SUMF1: variants seen among roughly 807,000 people sequenced by gnomAD.
SUMF1 encodes the protein sulfatase modifying factor 1, also known as formylglycine-generating enzyme.
SUMF1 carries 48 observed loss-of-function variants against 47.6 expected under a neutral mutation model. The ratio of observed to expected loss-of-function variants is 1.01; its 90% confidence interval spans 0.80 to 1.28. The LOEUF (loss-of-function observed/expected upper bound fraction) is 1.28. Ranked by LOEUF, SUMF1 falls within the 50% of genes most tolerant of loss-of-function variation. The pLI, the probability that SUMF1 is intolerant of heterozygous loss-of-function variation, is 0.00. For missense variants in SUMF1, 571 were observed against 485.4 expected, an observed-to-expected ratio of 1.18 and a Z score of -1.66; for synonymous variants, 230 against 192.1, an observed-to-expected ratio of 1.20 and a Z score of -1.63.
intron 8 of SUMF1, among the ~76,000 whole-genome samples, chr3:4,165,075 T>C (rs1694667379): frequency 6.6e-6 from 1 of 152,162 alleles, no homozygotes; most frequent in Admixed American, 6.5e-5. Flanking sequence ...TGGGAACAGC[T>C]TGCTCACTGG....
At chr3:4,254,197 G>C (rs951757797) in intron 8 of SUMF1, among the ~76,000 whole-genome samples, 2 of 152,002 alleles carry the variant, frequency 1.3e-5, no homozygotes, top group Admixed American at 6.6e-5. Context: ...ACTCTAAAAA[G>C]CAGAGCGCCT....
chr3:4,203,850 A>G (rs1355361874), intron 8 of SUMF1, among the ~76,000 whole-genome samples: 1 of 151,994 alleles, frequency 6.6e-6, no homozygotes, highest in Non-Finnish European at 1.5e-5. Flanking sequence ...TACAAAAACA[A>G]GCAAACAGAA....
intron 8 of SUMF1, among the ~76,000 whole-genome samples, chr3:4,132,578 A>G (rs1296024180): frequency 6.6e-6 from 1 of 152,118 alleles, no homozygotes; most frequent in Non-Finnish European, 1.5e-5. Context: ...GTGATCCACT[A>G]GCAAAATTTT....
At chr3:4,037,642 A>G (rs2125014920) in intron 9 of SUMF1, among the ~76,000 whole-genome samples, 1 of 152,116 alleles carries the variant, frequency 6.6e-6, no homozygotes, top group East Asian at 1.9e-4. Context: ...TATATTCTCA[A>G]TTCTATTTCT....
rs145046762 is a variant in SUMF1, at chr3:4,225,386, T to C, written c.1014+150944A>G. ...TGTTTTGAGCAAGCAAGTTCCACTA[T>C]GACAAACTATTACTGTTTAAGCATT... On this transcript the variant is annotated intron_variant and NMD_transcript_variant, in intron 8 of 12. Coordinates refer to the SUMF1 transcript ENST00000448413. Among the ~76,000 whole-genome samples the C allele has an allele frequency of 8.3e-3, 1,263 of 152,256 alleles. 19 individuals carry two copies. Among genetic ancestry groups the C allele is most frequent in the African/African-American group, 0.029 (1,214 of 41,576 alleles).
chr3:4,125,812 G>A (rs201281309), intron 8 of SUMF1, among the ~76,000 whole-genome samples: 4 of 152,118 alleles, frequency 2.6e-5, no homozygotes, highest in Non-Finnish European at 2.9e-5. Flanking sequence ...GGGTAGCAGG[G>A]ACTACAGGTG....
intron 9 of SUMF1, among the ~76,000 whole-genome samples, chr3:4,042,313 TA>T (rs1407592536): frequency 2.6e-5 from 4 of 152,190 alleles, no homozygotes; most frequent in Admixed American, 1.3e-4. Flanking sequence ...ATGGAGTCAC[TA>T]AAGTTTTTTT....
intron 8 of SUMF1, among the ~76,000 whole-genome samples, chr3:4,094,360 T>C (rs150415565): frequency 3.9e-5 from 6 of 152,134 alleles, no homozygotes; most frequent in African/African-American, 1.4e-4. Context: ...CCTCATGAAC[T>C]TAGAGCTTAC....
At chr3:4,211,585 C>T (rs1338032652) in intron 8 of SUMF1, among the ~76,000 whole-genome samples, 5 of 151,992 alleles carry the variant, frequency 3.3e-5, no homozygotes, top group African/African-American at 1.2e-4. Flanking sequence ...ACACAGAAAA[C>T]TCCAATCATT....
At chr3:4,334,705 C>G (rs1021117579) in intron 8 of SUMF1, among the ~76,000 whole-genome samples, 1 of 152,240 alleles carries the variant, frequency 6.6e-6, no homozygotes, top group African/African-American at 2.4e-5. Context: ...GACCAGGAAT[C>G]AAACCCATGC....
chr3:4,139,906 C>G (rs1013110813), intron 8 of SUMF1, among the ~76,000 whole-genome samples: 1 of 151,992 alleles, frequency 6.6e-6, no homozygotes, highest in African/African-American at 2.4e-5. Context: ...AACACATGCT[C>G]TTGGCATACG....
chr3:4,054,305 G>A (rs913804285), intron 9 of SUMF1, among the ~76,000 whole-genome samples: 2 of 152,090 alleles, frequency 1.3e-5, no homozygotes, highest in Non-Finnish European at 2.9e-5. Flanking sequence ...CAATTTAAAG[G>A]ATTTATCACA....
chr3:4,131,953 A>G (rs1693801406), intron 8 of SUMF1, among the ~76,000 whole-genome samples: 1 of 152,098 alleles, frequency 6.6e-6, no homozygotes, highest in Non-Finnish European at 1.5e-5. Context: ...TCACTCACCA[A>G]GGCCGACCTG....
Position 4,266,011 on chromosome 3 carries a change from C to G in SUMF1, c.1014+110319G>C, listed in dbSNP as rs200397645. On this transcript the variant is annotated intron_variant and NMD_transcript_variant, in intron 8 of 12. Transcript: ENST00000448413. ...AATCCTTTCCCCATTGCTTGTTTTT[C>G]TCAGGTTTGTCAAAGATCAGATAGT... is the stretch of plus-strand genomic sequence containing the variant. 5.6e-3 allele frequency among the ~76,000 whole-genome samples: 846 copies of G among 151,982 alleles called. 5 individuals are homozygous for G. The highest frequency in any genetic ancestry group is 0.016 in the East Asian group (80 of 5,154).
chr3:4,222,342 C>G (rs1320579052), intron 8 of SUMF1, among the ~76,000 whole-genome samples: 1 of 152,088 alleles, frequency 6.6e-6, no homozygotes, highest in African/African-American at 2.4e-5. Flanking sequence ...GCCTGTACAA[C>G]TTGTTGCCAC....
intron 8 of SUMF1, among the ~76,000 whole-genome samples, chr3:4,122,627 A>G (rs1693571335): frequency 6.6e-6 from 1 of 152,152 alleles, no homozygotes; most frequent in Non-Finnish European, 1.5e-5. Context: ...GATGAAGGAA[A>G]AGGAGCATTA....
rs1198522946 is a variant in SUMF1 at position 4,303,911 on chromosome 3, T to C, written c.1014+72419A>G. 4.9e-6 allele frequency: 6 copies of C among 1,221,654 alleles called. No homozygotes were observed. In the South Asian group the frequency reaches 8.9e-5, roughly 18 times the overall value. The allele number at this position is 1,221,654 out of a possible 1,614,324, so 75.7% of individuals were successfully genotyped here. A position where few individuals can be genotyped will look rare whatever the true frequency, so the allele number is the denominator to read the frequency against. ...GCCTATTAATGGATCGCAGCCGGTG[T>C]CGTGCATAAAAACAGCCCCTCGAGT... is the stretch of plus-strand genomic sequence containing the variant. On this transcript the variant is annotated intron_variant and NMD_transcript_variant, in intron 8 of 12. Coordinates refer to the SUMF1 transcript ENST00000448413.
chr3:4,238,758 T>C (rs1696468224), intron 8 of SUMF1, among the ~76,000 whole-genome samples: 1 of 152,224 alleles, frequency 6.6e-6, no homozygotes, highest in African/African-American at 2.4e-5. Flanking sequence ...TCTTTTGCTG[T>C]GCAGAAGCTC....
intron 3 of SUMF1, among the ~76,000 whole-genome samples, chr3:4,448,582 T>C (rs1260166589): frequency 6.6e-6 from 1 of 152,180 alleles, no homozygotes; most frequent in Non-Finnish European, 1.5e-5. Context: ...TCAAGAGACA[T>C]GTAAGCAAGC....
Sources: gnomAD v4.1 joint callset for allele counts (sites outside exome capture counted in the v4.1 genomes callset) on GRCh38, gnomAD v4.1.1 for gene constraint, MANE v1.5 for transcripts, NCBI Gene and HGNC (gene_info 2026-07-23, HGNC 2026-07-21) for gene names.